The following MYO1A variants were observed in gnomAD, a reference collection of about 807,000 sequenced individuals.
MYO1A encodes the protein unconventional myosin-Ia.
MYO1A carries 127 observed loss-of-function variants against 138.5 expected under a neutral mutation model. The observed-to-expected ratio is 0.92, with a 90% CI of 0.79 to 1.06. The LOEUF is 1.06. MYO1A is among the 50% of genes least tolerant of loss of function. The probability of loss-of-function intolerance (pLI) is 0.00; values close to 1 mark genes in which losing one functional copy is unlikely to be tolerated. For synonymous variants in MYO1A, 477 were observed against 497.5 expected (o/e 0.96, Z 0.55); for missense variants, 1,211 against 1,288.8 (o/e 0.94, Z 0.92).
At position 57,041,190 on chromosome 12, in the gene MYO1A, CTT is replaced by C. The variant is rs1423735687; in HGVS notation, c.1261_1262del (p.Lys421GlufsTer13). 6 of 1,612,072 alleles carry C rather than the reference CTT, an allele frequency of 3.7e-6. No individual in the cohort carries two copies. Among genetic ancestry groups the C allele is most frequent in the Non-Finnish European group, 5.1e-6 (6 of 1,179,476 alleles). On this transcript the variant is annotated frameshift_variant, in exon 14 of 28. Coordinates refer to ENST00000300119, the MANE Select transcript of MYO1A (RefSeq NM_005379.4). LOFTEE classifies it high-confidence loss of function. ...MTLKEEQEEYKREGIPWTKVD... is the reference protein window; with the variant it reads ...MTLKEEQEEYXREGIPWTKVD... ...TAGAAAAGACTTGGTTTACTTCTCT[CTT>C]ATATTCCTCTTGCTCTTCTTTCAGG...
At chr12:57,040,267 G>A (rs1271391965) in intron 14 of MYO1A, among the ~76,000 whole-genome samples, 1 of 152,190 alleles carries the variant, frequency 6.6e-6, no homozygotes, top group Non-Finnish European at 1.5e-5. Context: ...ATACTGACAT[G>A]GAAAGATCTC....
At chr12:57,034,596 C>T (rs2030442025) in intron 22 of MYO1A, among the ~76,000 whole-genome samples, 1 of 152,016 alleles carries the variant, frequency 6.6e-6, no homozygotes, top group South Asian at 2.1e-4. Context: ...ATGGCTTGAG[C>T]CCGGGAGATG....
At chr12:57,047,954 G>T in intron 3 of MYO1A, 35 bp downstream of exon 3, 1 of 1,595,598 alleles carries the variant, frequency 6.3e-7, no homozygotes, top group East Asian at 2.2e-5. Context: ...AAGAAGCTGG[G>T]GCCCTGTCAG....
At chr12:57,045,367 C>T (rs1057469689) in intron 8 of MYO1A, among the ~76,000 whole-genome samples, 2 of 151,954 alleles carry the variant, frequency 1.3e-5, no homozygotes, top group African/African-American at 4.8e-5. Context: ...TGGCAGCTCC[C>T]CCAGCACACA....
In MYO1A at chr12:57,038,853, T is replaced by C. The variant is rs1266572379; in HGVS notation, c.1489A>G (p.Thr497Ala). Residue 497 changes from threonine (T) to alanine (A), a missense_variant, in exon 16 of 28, where the codon ACC becomes GCC. Physicochemically the swap from Thr to Ala is moderately conservative, Grantham distance 58 (BLOSUM62 0). Coordinates refer to ENST00000300119, the MANE Select transcript of MYO1A (RefSeq NM_005379.4). ...TQNAQRQYDH[T>A]MGLSCFRICH... is the part of the protein sequence containing the mutation. ...ATGCGGAAGCAGCTGAGGCCCATGG[T>C]GTGGTCATACTGACGCTGGGCATTC... The C allele has an allele frequency of 6.2e-7, 1 of 1,614,180 alleles. No individual in the cohort carries two copies. The highest frequency in any genetic ancestry group is 8.5e-7 in the Non-Finnish European group (1 of 1,180,046).
chr12:57,048,241 A>G lies in MYO1A; in HGVS notation c.83T>C (p.Leu28Pro). 3.1e-6 allele frequency: 5 copies of G among 1,614,198 alleles called. No individual in the cohort carries two copies. The highest frequency in any genetic ancestry group is 1.3e-5 in the African/African-American group (1 of 75,072). ...PLVEESLLKN[L>P]QLRYENKEIY... ...CTCCTTGTTTTCATAGCGAAGCTGA[A>G]GATTCTTGAGCAGTGACTCCTCCAC... Residue 28 changes from leucine (L) to proline (P), a missense_variant, in exon 2 of 28, where the codon CTT becomes CCT. Transcript: ENST00000300119.
chr12:57,047,158 A>T, intron 5 of MYO1A, 51 bp from the exon 6 acceptor site: 1 of 1,606,600 alleles, frequency 6.2e-7, no homozygotes, highest in Non-Finnish European at 8.5e-7. Flanking sequence ...GGAAAGGAGG[A>T]AGGGCTTCCA....
chr12:57,039,803 A>G (rs1181348162), intron 14 of MYO1A, among the ~76,000 whole-genome samples: 1 of 152,196 alleles, frequency 6.6e-6, no homozygotes, highest in African/African-American at 2.4e-5. Context: ...CCACTCCCCA[A>G]GTTTCTGATT....
chr12:57,036,792 C>T lies in MYO1A; in HGVS notation c.2254G>A (p.Ala752Thr), dbSNP rs2030569303. 6 of 1,614,218 alleles carry T rather than the reference C, an allele frequency of 3.7e-6. No homozygotes were observed. Among genetic ancestry groups the T allele is most frequent in the Non-Finnish European group, 5.1e-6 (6 of 1,180,040 alleles). The change falls in exon 21 of 28, where the codon GCT (alanine) becomes ACT (threonine). Residue 752 changes from alanine to threonine, a missense_variant. Coordinates refer to ENST00000300119, the MANE Select transcript of MYO1A (RefSeq NM_005379.4). ...ATTACCTTCCACCCTCTCACAAAAG[C>T]CTGGATCAATAACACGGATGCCTTT... ...KIKASVLLIQAFVRGWKARKN... is the reference protein window; with the variant it reads ...KIKASVLLIQTFVRGWKARKN...
Position 57,044,089 on chromosome 12 carries a change from T to C in MYO1A, c.744+17A>G. On this transcript the variant is annotated intron_variant, in intron 9 of 27. Transcript: ENST00000300119. ...GATGACCTAAGGGCCCAAGCCTGCC[T>C]CACCCTGGGCACCCACCTGTACAGC... is the stretch of plus-strand genomic sequence containing the variant. 6.2e-7 allele frequency: 1 copy of C among 1,614,174 alleles called. No homozygotes were observed. The highest frequency in any genetic ancestry group is 8.5e-7 in the Non-Finnish European group (1 of 1,179,992).
At chr12:57,047,241 T>C (rs2031141488) in intron 5 of MYO1A, 62 bp downstream of exon 5, 1 of 1,580,886 alleles carries the variant, frequency 6.3e-7, no homozygotes, top group African/African-American at 1.3e-5. Context: ...GAAGAGGGTC[T>C]AGGGCTCAGT....
rs200431916 is a variant in MYO1A at position 57,048,102 on chromosome 12, G to T, written c.117C>A (p.Thr39=). The T allele has an allele frequency of 6.2e-7, 1 of 1,613,552 alleles. No individual in the cohort carries two copies. Among genetic ancestry groups the T allele is most frequent in the East Asian group, 2.2e-5 (1 of 44,884 alleles). ...QLRYENKEIY[T]YIGNVVISVN... is the part of the protein sequence containing the mutation. Reference sequence around the variant, plus strand: ...CTGAGATCACCACATTCCCAATGTAGGTCTGGAGCCAGGAAGAAGGTGAAG... The same window carrying T: ...CTGAGATCACCACATTCCCAATGTATGTCTGGAGCCAGGAAGAAGGTGAAG... The change falls in exon 3 of 28, where the codon ACC becomes ACA. Residue 39 remains threonine (T), a splice_region_variant and synonymous_variant. Coordinates refer to ENST00000300119, the MANE Select transcript of MYO1A (RefSeq NM_005379.4).
chr12:57,038,080 G>A lies in MYO1A; in HGVS notation c.1761-11C>T, dbSNP rs1345158034. ...TTGGGCTTTATGCACCTGGTGGGAG[G>A]TGGGGTAAGGCACAGCCTTCAGGAG... On this transcript the variant is annotated splice_polypyrimidine_tract_variant and intron_variant, in intron 17 of 27. Transcript: ENST00000300119. The A allele has an allele frequency of 2.5e-6, 4 of 1,613,490 alleles. No homozygotes were observed. Among genetic ancestry groups the A allele is most frequent in the Non-Finnish European group, 1.7e-6 (2 of 1,180,002 alleles).
chr12:57,036,126 G>A (rs970380033), intron 22 of MYO1A, among the ~76,000 whole-genome samples, 181 bp downstream of exon 22: 2 of 152,162 alleles, frequency 1.3e-5, no homozygotes, highest in Non-Finnish European at 2.9e-5. Flanking sequence ...TTCTGCCCCC[G>A]AGTCCAAGGC....
rs1243736470 is a variant in MYO1A, at chr12:57,041,251, T to C, written c.1202A>G (p.Asn401Ser). 1.9e-6 allele frequency: 3 copies of C among 1,614,000 alleles called. No homozygotes were observed. Among genetic ancestry groups the C allele is most frequent in the African/African-American group, 1.3e-5 (1 of 74,922 alleles). Residue 401 changes from asparagine to serine, a missense_variant, in exon 14 of 28, where the codon AAT (asparagine) becomes AGT (serine). Transcript: ENST00000300119. Reference sequence around the variant, plus strand: ...TATGAACACCTGCTGCAGCTTCTCATTGCAGTAGTTGATCACAAATTGCTC... The same window carrying C: ...TATGAACACCTGCTGCAGCTTCTCACTGCAGTAGTTGATCACAAATTGCTC... ...SFEQFVINYC[N>S]EKLQQVFIEM...
intron 14 of MYO1A, among the ~76,000 whole-genome samples, chr12:57,040,675 C>T (rs1391236237): frequency 2.0e-5 from 3 of 152,186 alleles, no homozygotes; most frequent in African/African-American, 4.8e-5. Flanking sequence ...GACTCTCAGC[C>T]ATTCACACTT....
chr12:57,048,379 C>T (rs2031215015), intron 1 of MYO1A, 36 bp from the exon 2 acceptor site: 1 of 1,265,084 alleles, frequency 7.9e-7, no homozygotes, highest in Admixed American at 1.7e-5. Context: ...GATGTCCACT[C>T]AGCTTTAGGG....
Position 57,034,098 on chromosome 12 carries a change from T to C in MYO1A, c.2349+2209A>G, listed in dbSNP as rs543903025. Among the ~76,000 whole-genome samples, 8 of 152,382 alleles carry C rather than the reference T, an allele frequency of 5.2e-5. No homozygotes were observed. In the East Asian group the frequency reaches 5.8e-4, roughly 11 times the overall value. On this transcript the variant is annotated intron_variant, in intron 22 of 27. Transcript: ENST00000300119. Reference sequence around the variant, plus strand: ...AACTAGAAAGTTCTGCCCTTTCCTATGCAGCCCTCCTGCCCCCAGGTCTGC... The same window carrying C: ...AACTAGAAAGTTCTGCCCTTTCCTACGCAGCCCTCCTGCCCCCAGGTCTGC...
At position 57,037,098 on chromosome 12, in the gene MYO1A, A is replaced by C. The variant is rs1032819777; in HGVS notation, c.2056-7T>G. 1 of 1,614,046 alleles carries C rather than the reference A, an allele frequency of 6.2e-7. No homozygotes were observed. The highest frequency in any genetic ancestry group is 1.3e-5 in the African/African-American group (1 of 75,030). On this transcript the variant is annotated splice_polypyrimidine_tract_variant and splice_region_variant and intron_variant, in intron 19 of 27. Coordinates refer to ENST00000300119, the MANE Select transcript of MYO1A (RefSeq NM_005379.4). ...GTTCTTCGAGGTAGAAAAGCTGTGG[A>C]GAGGTGGAAGGGGGTGACAGAGAGA...
Sources: gnomAD v4.1 joint callset for allele counts (sites outside exome capture counted in the v4.1 genomes callset) on GRCh38, gnomAD v4.1.1 for gene constraint, MANE v1.5 for transcripts, NCBI Gene and HGNC (gene_info 2026-07-23, HGNC 2026-07-21) for gene names.